KCNG2: variants seen among roughly 807,000 people sequenced by gnomAD.
The protein encoded by KCNG2 is potassium voltage-gated channel modifier subfamily G member 2.
KCNG2 carries 7 observed loss-of-function variants against 12.3 expected under a neutral mutation model. That is an observed-to-expected ratio of 0.57 (90% CI 0.32 to 1.07). The LOEUF (loss-of-function observed/expected upper bound fraction) is 1.07, where lower values mean the gene tolerates loss of function less well. KCNG2 is among the 50% of genes least tolerant of loss of function. The probability of loss-of-function intolerance (pLI) is 0.04; values close to 1 mark genes in which losing one functional copy is unlikely to be tolerated. For synonymous variants in KCNG2, 414 were observed against 351.4 expected, an observed-to-expected ratio of 1.18 and a Z score of -1.99; for missense variants, 703 against 726.0, an observed-to-expected ratio of 0.97 and a Z score of 0.36.
At chr18:79,818,076 G>A (rs2087543272) in intron 1 of KCNG2, among the ~76,000 whole-genome samples, 1 of 152,262 alleles carries the variant, frequency 6.6e-6, no homozygotes, top group South Asian at 2.1e-4. Flanking sequence ...GCCCTAGGCA[G>A]AACACAGACC....
At chr18:79,877,742 G>T (rs1980131295) in intron 3 of KCNG2, among the ~76,000 whole-genome samples, 1 of 152,226 alleles carries the variant, frequency 6.6e-6, no homozygotes, top group Admixed American at 6.5e-5. Context: ...GTGGTTATTG[G>T]GGGAATGTGG....
At chr18:79,883,926 C>T (rs1461876105) in intron 3 of KCNG2, among the ~76,000 whole-genome samples, 1 of 152,306 alleles carries the variant, frequency 6.6e-6, no homozygotes, top group African/African-American at 2.4e-5. Context: ...ACCGGCACGT[C>T]CACGAGGGCT....
chr18:79,816,331 G>GA (rs2087527232), intron 1 of KCNG2: 1 of 152,268 alleles, frequency 6.6e-6, no homozygotes, highest in South Asian at 2.1e-4. Flanking sequence ...GCGGGGTCCT[G>GA]ACGGCGGAGG....
intron 1 of KCNG2, among the ~76,000 whole-genome samples, chr18:79,813,344 A>T (rs1353792543): frequency 1.3e-5 from 2 of 152,200 alleles, no homozygotes; most frequent in Non-Finnish European, 2.9e-5. Flanking sequence ...CAAACACTGT[A>T]CTCCACCATA....
At position 79,800,902 on chromosome 18, in the gene KCNG2, A is replaced by C. The variant is rs1200722838; in HGVS notation, c.-115+2888A>C. Among the ~76,000 whole-genome samples, 1 of 152,250 alleles carries C rather than the reference A, an allele frequency of 6.6e-6. No homozygotes were observed. The highest frequency in any genetic ancestry group is 1.9e-4 in the East Asian group (1 of 5,200). On this transcript the variant is annotated intron_variant, in intron 1 of 3. Transcript: ENST00000316249. The surrounding 1 kb of genome is among the most constrained non-coding windows in gnomAD (Gnocchi z 4.0). Reference sequence around the variant, plus strand: ...GAACACCCAGACTCATGGAATTGCTAACAGAAATCTTATCAACAGCAGGTT... The same window carrying C: ...GAACACCCAGACTCATGGAATTGCTCACAGAAATCTTATCAACAGCAGGTT...
intron 3 of KCNG2, among the ~76,000 whole-genome samples, chr18:79,882,473 G>A (rs184730516): frequency 1.3e-5 from 2 of 152,236 alleles, no homozygotes; most frequent in Non-Finnish European, 2.9e-5. Context: ...GCTATATAAA[G>A]AACTGTATAA....
chr18:79,869,231 CCCCTGGGCTGCG>C, intron 3 of KCNG2, among the ~76,000 whole-genome samples: 5 of 151,726 alleles, frequency 3.3e-5, no homozygotes, highest in Admixed American at 3.3e-4. Context: ...GAGTCTCCTG[CCCCTGGGCTGCG>C]ACCTGCACAG....
chr18:79,861,130 T>G (rs892737872), intron 2 of KCNG2, among the ~76,000 whole-genome samples: 1 of 152,220 alleles, frequency 6.6e-6, no homozygotes, highest in Non-Finnish European at 1.5e-5. Flanking sequence ...ATTTTGTGTA[T>G]TGTGCCACCC....
intron 1 of KCNG2, among the ~76,000 whole-genome samples, chr18:79,798,256 C>G (rs2087378943): frequency 6.6e-6 from 1 of 151,872 alleles, no homozygotes; most frequent in African/African-American, 2.4e-5. Flanking sequence ...CCCCCTCCCG[C>G]TCAGCGCCCA....
chr18:79,804,340 C>T (rs561311726), intron 1 of KCNG2, among the ~76,000 whole-genome samples: 4 of 152,230 alleles, frequency 2.6e-5, no homozygotes, highest in Admixed American at 1.3e-4. Context: ...GGTATGCACA[C>T]GGTGTGCTGA....
rs559628007 is a variant in KCNG2 at position 79,800,745 on chromosome 18, C to A, written c.-115+2731C>A. ...GTGCCTATGGTTGCAGTCGGCCTGG[C>A]GTGTCCTGCGGGCACCCGCAGGCTC... On this transcript the variant is annotated intron_variant, in intron 1 of 3. Transcript: ENST00000316249. The surrounding 1 kb of genome is among the most constrained non-coding windows in gnomAD (Gnocchi z 4.0). Among the ~76,000 whole-genome samples, 3 of 152,296 alleles carry A rather than the reference C, an allele frequency of 2.0e-5. No homozygotes were observed. Among genetic ancestry groups the A allele is most frequent in the South Asian group, 4.1e-4 (2 of 4,826 alleles).
At chr18:79,888,725 CTG>C (rs1980641456) in intron 3 of KCNG2, among the ~76,000 whole-genome samples, 1 of 152,064 alleles carries the variant, frequency 6.6e-6, no homozygotes, top group African/African-American at 2.4e-5. Context: ...GAGTCTCACT[CTG>C]TCGCCCAGGT....
At chr18:79,826,209 C>T (rs1978285702) in intron 1 of KCNG2, among the ~76,000 whole-genome samples, 1 of 152,240 alleles carries the variant, frequency 6.6e-6, no homozygotes, top group Admixed American at 6.5e-5. Context: ...GCGAGGCCTC[C>T]GTGGGAGAAG....
Position 79,899,072 on chromosome 18 carries a change from C to A in KCNG2, c.657C>A (p.Phe219Leu). 1 of 1,589,032 alleles carries A rather than the reference C, an allele frequency of 6.3e-7. No individual in the cohort carries two copies. Among genetic ancestry groups the A allele is most frequent in the Non-Finnish European group, 8.5e-7 (1 of 1,171,156 alleles). ...GECSPKCRSL[F>L]VLETVCVAWF... is the part of the protein sequence containing the mutation. Reference sequence around the variant, plus strand: ...GCTCCCCCAAGTGCCGCAGCCTGTTCGTGCTGGAGACCGTGTGCGTGGCCT... The same window carrying A: ...GCTCCCCCAAGTGCCGCAGCCTGTTAGTGCTGGAGACCGTGTGCGTGGCCT... The change falls in exon 4 of 4, where the codon TTC becomes TTA. Residue 219 changes from phenylalanine (F) to leucine (L), a missense_variant. Coordinates refer to ENST00000316249, the MANE Select transcript of KCNG2 (RefSeq NM_012283.2).
At chr18:79,890,394 G>C (rs1040840575) in intron 3 of KCNG2, among the ~76,000 whole-genome samples, 6 of 152,092 alleles carry the variant, frequency 3.9e-5, no homozygotes, top group Middle Eastern at 3.2e-3. Context: ...GTGATGCTGA[G>C]GTTTGGGGTA....
chr18:79,826,795 A>G (rs1348857819), intron 1 of KCNG2, among the ~76,000 whole-genome samples: 1 of 151,344 alleles, frequency 6.6e-6, no homozygotes, highest in East Asian at 1.9e-4. Context: ...CATTACGTTC[A>G]GTGAAAGAAC....
intron 1 of KCNG2, among the ~76,000 whole-genome samples, chr18:79,824,923 C>A (rs1250405962): frequency 1.3e-5 from 2 of 151,968 alleles, no homozygotes; most frequent in East Asian, 3.8e-4. Context: ...CTTAAGTTTT[C>A]TTTCTTCTTA....
chr18:79,872,398 G>T (rs895842487), intron 3 of KCNG2, among the ~76,000 whole-genome samples: 1 of 142,416 alleles, frequency 7.0e-6, no homozygotes, highest in Non-Finnish European at 1.5e-5. Context: ...TGATTCTCCT[G>T]CCTCAGCCTC....
At chr18:79,820,936 C>T (rs1209731231) in intron 1 of KCNG2, among the ~76,000 whole-genome samples, 2 of 152,194 alleles carry the variant, frequency 1.3e-5, no homozygotes, top group Non-Finnish European at 2.9e-5. Flanking sequence ...GTGTGAGCCA[C>T]CATGCCTAGC....
Sources: gnomAD v4.1 joint callset for allele counts (sites outside exome capture counted in the v4.1 genomes callset) on GRCh38, gnomAD v4.1.1 for gene constraint, Gnocchi (gnomAD v3.1) non-coding constraint, MANE v1.5 for transcripts, NCBI Gene and HGNC (gene_info 2026-07-23, HGNC 2026-07-21) for gene names.